The following CNTN5 variants were observed in gnomAD, a reference collection of about 807,000 sequenced individuals.
CNTN5 encodes contactin-5.
A neutral mutation model predicts 129.1 loss-of-function variants in CNTN5; 77 were observed. The observed-to-expected ratio is 0.60, with a 90% CI of 0.50 to 0.72. The LOEUF (loss-of-function observed/expected upper bound fraction) is 0.72. Ranked by LOEUF, CNTN5 falls within the 30% of genes least tolerant of loss-of-function variation. CNTN5 has a pLI of 0.00. For missense variants in CNTN5, 1,478 were observed against 1,328.8 expected (o/e 1.11, Z -1.75); for synonymous variants, 509 against 465.6 (o/e 1.09, Z -1.20).
chr11:99,988,452 G>A (rs7129151), intron 8 of CNTN5, among the ~76,000 whole-genome samples: 56,662 of 151,914 alleles, frequency 0.37, 11,810 homozygotes, highest in African/African-American at 0.57. Flanking sequence ...ACTCTTTGGA[G>A]GGAACATTCC....
intron 6 of CNTN5, among the ~76,000 whole-genome samples, chr11:99,860,934 C>CATGGA (rs1303991437): frequency 7.4e-6 from 1 of 135,120 alleles, no homozygotes; most frequent in Non-Finnish European, 1.6e-5. Flanking sequence ...ATTCCATTAA[C>CATGGA]ATGGAATATG....
chr11:100,120,111 G>A (rs1945967293), intron 13 of CNTN5, among the ~76,000 whole-genome samples: 1 of 151,542 alleles, frequency 6.6e-6, no homozygotes, highest in African/African-American at 2.4e-5. Flanking sequence ...TGCCTGCACT[G>A]CTACTTATTT....
At chr11:99,946,579 T>G (rs939176019) in intron 7 of CNTN5, among the ~76,000 whole-genome samples, 2 of 151,980 alleles carry the variant, frequency 1.3e-5, no homozygotes, top group Non-Finnish European at 2.9e-5. Context: ...AGAAAACTAC[T>G]GGGCAAAAAA....
chr11:100,035,735 T>A (rs1183496270), intron 9 of CNTN5, among the ~76,000 whole-genome samples: 1 of 151,000 alleles, frequency 6.6e-6, no homozygotes, highest in Non-Finnish European at 1.5e-5. Flanking sequence ...TGATGAGCAT[T>A]TTTTCATGTG....
chr11:99,782,316 G>A (rs940625796), intron 3 of CNTN5, among the ~76,000 whole-genome samples: 12 of 147,570 alleles, frequency 8.1e-5, no homozygotes, highest in Non-Finnish European at 1.6e-4. Flanking sequence ...CACTGCTCAA[G>A]GAAGTAAAAG....
intron 8 of CNTN5, among the ~76,000 whole-genome samples, chr11:99,985,343 C>A (rs1016851919): frequency 9.2e-5 from 14 of 152,096 alleles, no homozygotes; most frequent in South Asian, 2.1e-4. Flanking sequence ...GACAGGCAGG[C>A]AGTCTCCCCA....
At chr11:99,400,971 T>C (rs1033797737) in intron 2 of CNTN5, among the ~76,000 whole-genome samples, 12 of 152,308 alleles carry the variant, frequency 7.9e-5, no homozygotes, top group Admixed American at 4.6e-4. Context: ...TTATATACTC[T>C]AGTTATTAAT....
intron 4 of CNTN5, among the ~76,000 whole-genome samples, chr11:99,824,512 T>C (rs1203631085): frequency 6.6e-6 from 1 of 152,052 alleles, no homozygotes; most frequent in African/African-American, 2.4e-5. Flanking sequence ...GTTAAATGCA[T>C]TGCGGATATA....
chr11:100,051,459 CACA>C (rs1942951668), intron 9 of CNTN5, among the ~76,000 whole-genome samples: 1 of 151,728 alleles, frequency 6.6e-6, no homozygotes, highest in Non-Finnish European at 1.5e-5. Context: ...ATAATGAAAA[CACA>C]ACATGTGTGT....
In CNTN5 at chr11:100,121,462, C is replaced by T. The variant is rs190674515; in HGVS notation, c.1580+47168C>T. On this transcript the variant is annotated intron_variant, in intron 13 of 24. Coordinates refer to ENST00000524871, the MANE Select transcript of CNTN5 (RefSeq NM_014361.4). ...CTGTAGACAGATAAGGGAACTTCAGCCTGTGCTTTGGGAGAGGTAGAAGAT... is the reference window on the plus strand; with the variant it reads ...CTGTAGACAGATAAGGGAACTTCAGTCTGTGCTTTGGGAGAGGTAGAAGAT... 1.4e-4 allele frequency among the ~76,000 whole-genome samples: 22 copies of T among 151,820 alleles called. No individual in the cohort carries two copies. The East Asian group carries it at 3.9e-3, about 27-fold the overall frequency.
At chr11:99,615,678 T>A (rs11220649) in intron 3 of CNTN5, among the ~76,000 whole-genome samples, 1 of 152,194 alleles carries the variant, frequency 6.6e-6, no homozygotes, top group Non-Finnish European at 1.5e-5. Context: ...TAGTATGTTG[T>A]GTAATTATAG....
intron 3 of CNTN5, among the ~76,000 whole-genome samples, chr11:99,790,853 A>G (rs1470915316): frequency 6.6e-6 from 1 of 152,016 alleles, no homozygotes; most frequent in Non-Finnish European, 1.5e-5. Context: ...CATTTTATTA[A>G]TTGCCATTTT....
In CNTN5 at chr11:99,894,589, C is replaced by CA. The variant is rs202219135; in HGVS notation, c.578-21458dup. 8.1e-3 allele frequency among the ~76,000 whole-genome samples: 1,076 copies of CA among 133,362 alleles called. 14 individuals are homozygous for CA. Among genetic ancestry groups the CA allele is most frequent in the African/African-American group, 0.028 (1,025 of 36,284 alleles). 87.5% of individuals were successfully genotyped at this position (133,362 alleles called of 152,430 possible). ...AACAAAACCAAGCAAAACAAACAAACAAAAAAACCATGAATTCACAGCAGT... is the reference window on the plus strand; with the variant it reads ...AACAAAACCAAGCAAAACAAACAAACAAAAAAAACCATGAATTCACAGCAGT... On this transcript the variant is annotated intron_variant, in intron 6 of 24. Transcript: ENST00000524871.
At chr11:99,637,515 A>C (rs1421807245) in intron 3 of CNTN5, among the ~76,000 whole-genome samples, 1 of 152,194 alleles carries the variant, frequency 6.6e-6, no homozygotes, top group African/African-American at 2.4e-5. Context: ...GTTGATGAAG[A>C]CTGTGCCAAT....
At chr11:100,015,558 T>C (rs1940778375) in intron 9 of CNTN5, among the ~76,000 whole-genome samples, 3 of 152,270 alleles carry the variant, frequency 2.0e-5, no homozygotes, top group Admixed American at 6.5e-5. Context: ...AATTCATGGA[T>C]TGCAGTTCTT....
In CNTN5 at chr11:99,782,164, G is replaced by A. The variant is rs1226955510; in HGVS notation, c.56-37380G>A. On this transcript the variant is annotated intron_variant, in intron 3 of 24. Coordinates refer to ENST00000524871, the MANE Select transcript of CNTN5 (RefSeq NM_014361.4). ...GAAAATCAATGTACAAAAATCACAA[G>A]CATTCTTATACACCAACAACAGACA... 1.5e-4 allele frequency among the ~76,000 whole-genome samples: 23 copies of A among 150,198 alleles called. No homozygotes were observed. The East Asian group carries it at 4.2e-3, about 27-fold the overall frequency.
Position 99,756,868 on chromosome 11 carries a change from T to C in CNTN5, c.56-62676T>C, listed in dbSNP as rs867847002. Among the ~76,000 whole-genome samples the C allele has an allele frequency of 5.9e-5, 9 of 151,470 alleles. No homozygotes were observed. In the South Asian group the frequency reaches 6.3e-4, roughly 11 times the overall value. On this transcript the variant is annotated intron_variant, in intron 3 of 24. Transcript: ENST00000524871. ...TAAAAAGAAATAACTTTTAAAAAAT[T>C]CTAAAACTTAATATAGCCAGAAGTA... is the stretch of plus-strand genomic sequence containing the variant.
chr11:100,187,965 T>C (rs1170200542), intron 13 of CNTN5, among the ~76,000 whole-genome samples: 1 of 152,178 alleles, frequency 6.6e-6, no homozygotes, highest in African/African-American at 2.4e-5. Flanking sequence ...AAAGAGCTTC[T>C]GCAGAGCAAA....
chr11:99,645,352 T>C (rs982968455), intron 3 of CNTN5, among the ~76,000 whole-genome samples: 1 of 147,266 alleles, frequency 6.8e-6, no homozygotes, highest in Non-Finnish European at 1.5e-5. Context: ...TGTTTGTCAA[T>C]AAAATAATTG....
Sources: gnomAD v4.1 joint callset for allele counts (sites outside exome capture counted in the v4.1 genomes callset) on GRCh38, gnomAD v4.1.1 for gene constraint, MANE v1.5 for transcripts, NCBI Gene and HGNC (gene_info 2026-07-23, HGNC 2026-07-21) for gene names.